Variants in PDIA3 observed in about 807,000 individuals in gnomAD.
PDIA3 encodes protein disulfide isomerase family A member 3.
A neutral mutation model predicts 56.9 loss-of-function variants in PDIA3; 16 were observed. The ratio of observed to expected loss-of-function variants is 0.28; its 90% CI spans 0.19 to 0.43. PDIA3 has a LOEUF of 0.43. Among genes scored for constraint, PDIA3 ranks in the 20% least tolerant of loss-of-function variants. The probability of loss-of-function intolerance (pLI) is 1.00; values close to 1 mark genes in which losing one functional copy is unlikely to be tolerated. For missense variants in PDIA3, 485 were observed against 621.3 expected (o/e 0.78, Z 2.33); for synonymous variants, 192 against 216.5 (o/e 0.89, Z 0.99).
At chr15:43,759,451 TC>T (rs1002628850) in intron 3 of PDIA3, among the ~76,000 whole-genome samples, 2 of 152,190 alleles carry the variant, frequency 1.3e-5, no homozygotes, top group African/African-American at 4.8e-5. Flanking sequence ...TTTTTTTTTT[TC>T]CTCATCAATG....
chr15:43,761,464 T>A lies in PDIA3; in HGVS notation c.405T>A (p.Ala135=), dbSNP rs201421563. 2 of 1,608,458 alleles carry A rather than the reference T, an allele frequency of 1.2e-6. No homozygotes were observed. Among genetic ancestry groups the A allele is most frequent in the African/African-American group, 2.7e-5 (2 of 74,838 alleles). ...ACTTGAAGAAGCAGGCAGGACCAGC[T>A]TCAGTGCCTCTCAGGACTGAGGAAG... ...VSHLKKQAGP[A]SVPLRTEEEF... is the part of the protein sequence containing the mutation. Residue 135 remains alanine, a synonymous_variant, in exon 4 of 13, where the codon GCT becomes GCA. Coordinates refer to ENST00000300289, the MANE Select transcript of PDIA3 (RefSeq NM_005313.5).
rs1596022551 is a variant in PDIA3 at position 43,761,452 on chromosome 15, G to C, written c.393G>C (p.Gln131His). 1.2e-6 allele frequency: 2 copies of C among 1,603,628 alleles called. No homozygotes were observed. Among genetic ancestry groups the C allele is most frequent in the East Asian group, 4.5e-5 (2 of 44,724 alleles). The change falls in exon 4 of 13, where the codon CAG becomes CAC. Residue 131 changes from glutamine (Q) to histidine (H), a missense_variant. Transcript: ENST00000300289. The part of the protein sequence containing the change: ...ADGIVSHLKK[Q>H]AGPASVPLRT... ...GAATTGTCAGCCACTTGAAGAAGCA[G>C]GCAGGACCAGCTTCAGTGCCTCTCA...
chr15:43,772,229 T>C lies in PDIA3; in HGVS notation c.*1011T>C, dbSNP rs947687794. On this transcript the variant is annotated 3_prime_UTR_variant, in exon 13 of 13. Transcript: ENST00000300289. ...CAACTAAACCATTTATCTCCTTTTGTAGGTAAATTCAAATCCTGCCCAGTT... is the reference window on the plus strand; with the variant it reads ...CAACTAAACCATTTATCTCCTTTTGCAGGTAAATTCAAATCCTGCCCAGTT... The C allele has an allele frequency of 7.9e-5, 12 of 152,258 alleles. No individual in the cohort carries two copies. The highest frequency in any genetic ancestry group is 2.9e-4 in the African/African-American group (12 of 41,470). The allele number at this position is 152,258 out of a possible 1,614,324, so 9.4% of individuals were successfully genotyped here.
In PDIA3 at chr15:43,746,497, C is replaced by T. The variant is rs746680936; in HGVS notation, c.-43C>T. 2.0e-6 allele frequency: 3 copies of T among 1,501,534 alleles called. No homozygotes were observed. The highest frequency in any genetic ancestry group is 2.5e-5 in the South Asian group (2 of 80,260). The allele number at this position is 1,501,534 out of a possible 1,614,324, so 93.0% of individuals were successfully genotyped here. A position where few individuals can be genotyped will look rare whatever the true frequency, so the allele number is the denominator to read the frequency against. On this transcript the variant is annotated 5_prime_UTR_variant, in exon 1 of 13. Transcript: ENST00000300289. ...CGCGCCCGACCTCCGCAGTCCCAGCCGAGCCGCGACCCTTCCGGCCGTCCC... is the reference window on the plus strand; with the variant it reads ...CGCGCCCGACCTCCGCAGTCCCAGCTGAGCCGCGACCCTTCCGGCCGTCCC...
At chr15:43,761,284 C>A in intron 3 of PDIA3, 140 bp from the exon 4 acceptor site, 4 of 424,210 alleles carry the variant, frequency 9.4e-6, no homozygotes, top group South Asian at 9.8e-5. Flanking sequence ...AAGGAGGAAA[C>A]TGGGTGACTA....
chr15:43,764,567 A>G (rs1053823302), intron 5 of PDIA3, among the ~76,000 whole-genome samples: 2 of 152,232 alleles, frequency 1.3e-5, no homozygotes, highest in Admixed American at 1.3e-4. Context: ...TCCTGGGTTC[A>G]AGTGATTCTC....
At chr15:43,763,018 G>A (rs2086826601) in intron 4 of PDIA3, 59 bp from the exon 5 acceptor site, 1 of 1,539,156 alleles carries the variant, frequency 6.5e-7, no homozygotes, top group African/African-American at 1.4e-5. Context: ...TTTATGGTTT[G>A]GAATGTCCAT....
Position 43,765,888 on chromosome 15 carries a change from T to G in PDIA3, c.721T>G (p.Phe241Val). 6.2e-7 allele frequency: 1 copy of G among 1,605,772 alleles called. No homozygotes were observed. The highest frequency in any genetic ancestry group is 8.5e-7 in the Non-Finnish European group (1 of 1,177,878). The change falls in exon 7 of 13, where the codon TTT becomes GTT. Residue 241 changes from phenylalanine to valine, a missense_variant and splice_region_variant. Coordinates refer to ENST00000300289, the MANE Select transcript of PDIA3 (RefSeq NM_005313.5). ...KIKKFIQENI[F>V]GICPHMTEDN... Reference sequence around the variant, plus strand: ...TGATAATGGATTATTTCATTTCAGTTTTGGTATCTGCCCTCACATGACAGA... The same window carrying G: ...TGATAATGGATTATTTCATTTCAGTGTTGGTATCTGCCCTCACATGACAGA...
At chr15:43,750,041 A>T (rs1348522321) in intron 1 of PDIA3, among the ~76,000 whole-genome samples, 1 of 144,750 alleles carries the variant, frequency 6.9e-6, no homozygotes, top group African/African-American at 2.5e-5. Context: ...TCATGTTTCA[A>T]GTGAAAGTGA....
In PDIA3 at chr15:43,771,613, A is replaced by G. The variant is rs41277700; in HGVS notation, c.*395A>G. 2,711 of 416,100 alleles carry G rather than the reference A, an allele frequency of 6.5e-3. 14 individuals carry two copies. Among genetic ancestry groups the G allele is most frequent in the Non-Finnish European group, 8.9e-3 (2,105 of 236,986 alleles). The allele number at this position is 416,100 out of a possible 1,614,324, so 25.8% of individuals were successfully genotyped here. A position where few individuals can be genotyped will look rare whatever the true frequency, so the allele number is the denominator to read the frequency against. On this transcript the variant is annotated 3_prime_UTR_variant, in exon 13 of 13. Coordinates refer to ENST00000300289, the MANE Select transcript of PDIA3 (RefSeq NM_005313.5). ...ATCACTGTTCAATAGAGCTTTCTTCAGTGATGGAAATGCTCTGTAATCTAC... is the reference window on the plus strand; with the variant it reads ...ATCACTGTTCAATAGAGCTTTCTTCGGTGATGGAAATGCTCTGTAATCTAC...
chr15:43,765,750 A>C, intron 6 of PDIA3, 137 bp from the exon 7 acceptor site: 1 of 934,458 alleles, frequency 1.1e-6, no homozygotes, highest in Non-Finnish European at 1.7e-6. Flanking sequence ...TCATCCTGTA[A>C]GGTATATATT....
intron 5 of PDIA3, among the ~76,000 whole-genome samples, chr15:43,764,375 T>C (rs2086835361): frequency 6.6e-6 from 1 of 152,156 alleles, no homozygotes; most frequent in African/African-American, 2.4e-5. Flanking sequence ...TCAACAGCAT[T>C]AGTGGCAATG....
chr15:43,756,556 T>C, intron 2 of PDIA3, 93 bp from the exon 3 acceptor site: 1 of 771,876 alleles, frequency 1.3e-6, no homozygotes, highest in Non-Finnish European at 2.3e-6. Context: ...TTGATCCCCT[T>C]AGGATTTGAC....
intron 1 of PDIA3, among the ~76,000 whole-genome samples, chr15:43,750,630 C>T (rs1021155479): frequency 6.6e-6 from 1 of 151,496 alleles, no homozygotes; most frequent in Non-Finnish European, 1.5e-5. Flanking sequence ...AAAAAGTTAG[C>T]TGGGCGTGGT....
In PDIA3 at chr15:43,772,983, C is replaced by CAGCT. The variant is rs1269908852; in HGVS notation, c.*1766_*1769dup. The CAGCT allele has an allele frequency of 3.7e-6, 3 of 812,542 alleles. No homozygotes were observed. The highest frequency in any genetic ancestry group is 2.7e-5 in the Admixed American group (1 of 36,950). The allele number at this position is 812,542 out of a possible 1,614,324, so 50.3% of individuals were successfully genotyped here. A position where few individuals can be genotyped will look rare whatever the true frequency, so the allele number is the denominator to read the frequency against. ...AAAACCAAACCTCAAGAACCTAGAG[C>CAGCT]AGCTCTCTACTTGCCACCATGGACT... On this transcript the variant is annotated 3_prime_UTR_variant, in exon 13 of 13. Transcript: ENST00000300289.
At chr15:43,751,543 GTATGT>G in intron 1 of PDIA3, 3 of 1,232,846 alleles carry the variant, frequency 2.4e-6, no homozygotes, top group Non-Finnish European at 3.2e-6. Flanking sequence ...CTTGAAGGAT[GTATGT>G]TAACCAACCC....
In PDIA3 at chr15:43,749,739, A is replaced by ATGGG. The variant is rs1191533531; in HGVS notation, c.167+3033_167+3034insTGGG. Among the ~76,000 whole-genome samples, 15 of 152,244 alleles carry ATGGG rather than the reference A, an allele frequency of 9.9e-5. No individual in the cohort carries two copies. The East Asian group carries it at 2.7e-3, about 28-fold the overall frequency. ...ACCCAGGAGGCAGTGGCGAGGTAAG[A>ATGGG]GACCAGCCTGGGCAGCATGGCCAGA... On this transcript the variant is annotated intron_variant, in intron 1 of 12. Coordinates refer to ENST00000300289, the MANE Select transcript of PDIA3 (RefSeq NM_005313.5).
chr15:43,757,722 C>T (rs771702394), intron 3 of PDIA3, among the ~76,000 whole-genome samples: 1 of 151,690 alleles, frequency 6.6e-6, no homozygotes. Context: ...TAGCACTGGG[C>T]GTGGTGGCAC....
intron 12 of PDIA3, among the ~76,000 whole-genome samples, 180 bp downstream of exon 12, chr15:43,770,760 C>T (rs1421588536): frequency 6.6e-6 from 1 of 152,150 alleles, no homozygotes; most frequent in African/African-American, 2.4e-5. Context: ...AAGCGATTCT[C>T]CTGCCTCAGC....
Sources: allele counts gnomAD v4.1 joint callset (sites outside exome capture counted in the v4.1 genomes callset), GRCh38; gene constraint gnomAD v4.1.1; transcripts MANE v1.5; gene names NCBI Gene and HGNC (gene_info 2026-07-23, HGNC 2026-07-21).